Variants in SIPA1L1 observed in about 807,000 individuals in gnomAD.
SIPA1L1 encodes the protein signal-induced proliferation-associated 1-like protein 1.
Under a neutral mutation model 162.7 loss-of-function variants are expected in SIPA1L1, and 26 were observed. The ratio of observed to expected loss-of-function variants is 0.16; its 90% CI spans 0.12 to 0.22. The LOEUF (loss-of-function observed/expected upper bound fraction) is 0.22. Among genes scored for constraint, SIPA1L1 ranks in the 10% least tolerant of loss-of-function variants. The pLI is 1.00. For missense variants in SIPA1L1, 1,874 were observed against 2,241.0 expected (o/e 0.84, Z 3.31); for synonymous variants, 829 against 837.4 (o/e 0.99, Z 0.17).
chr14:71,604,829 C>T (rs762549875), intron 5 of SIPA1L1, among the ~76,000 whole-genome samples: 3 of 152,032 alleles, frequency 2.0e-5, no homozygotes, highest in Non-Finnish European at 2.9e-5. Flanking sequence ...TTGTCTTTGG[C>T]TTTTGATGGT....
chr14:71,542,429 GCTGCTGCTGCTTCTGCTTCTTCTTC>G (rs2054507606), intron 4 of SIPA1L1, among the ~76,000 whole-genome samples: 1 of 147,910 alleles, frequency 6.8e-6, no homozygotes, highest in African/African-American at 2.5e-5. Flanking sequence ...TCTTCCTGCT[GCTGCTGCTGCTTCTGCTTCTTCTTC>G]CTGCTGCTGC....
intron 3 of SIPA1L1, among the ~76,000 whole-genome samples, chr14:71,519,047 C>A (rs371848066): frequency 6.6e-6 from 1 of 152,144 alleles, no homozygotes; most frequent in Non-Finnish European, 1.5e-5. Context: ...CGGGGTCCCT[C>A]CCACAACACG....
At chr14:71,570,013 T>G (rs2031647575) in intron 4 of SIPA1L1, among the ~76,000 whole-genome samples, 1 of 152,208 alleles carries the variant, frequency 6.6e-6, no homozygotes, top group Non-Finnish European at 1.5e-5. Context: ...TTTTAGCTTC[T>G]ACTATGGAAG....
At chr14:71,672,771 T>G (rs1488359766) in intron 12 of SIPA1L1, 149 bp downstream of exon 12, 2 of 895,842 alleles carry the variant, frequency 2.2e-6, no homozygotes, top group East Asian at 5.3e-5. Context: ...GGAGTCTGAC[T>G]CAGGACGAAG....
chr14:71,324,343 G>A (rs2033529386), intron 2 of SIPA1L1, among the ~76,000 whole-genome samples: 1 of 152,146 alleles, frequency 6.6e-6, no homozygotes, highest in Non-Finnish European at 1.5e-5. Flanking sequence ...TAATGACTAG[G>A]CAGTGATTGG....
intron 4 of SIPA1L1, among the ~76,000 whole-genome samples, chr14:71,552,395 C>CTTTTT (rs1018604407): frequency 1.4e-5 from 2 of 142,104 alleles, no homozygotes; most frequent in African/African-American, 2.6e-5. Context: ...TACCCTATTT[C>CTTTTT]TTTTTTTTTT....
chr14:71,474,458 T>C (rs2047697331), intron 2 of SIPA1L1, among the ~76,000 whole-genome samples: 2 of 152,238 alleles, frequency 1.3e-5, no homozygotes. Context: ...TAATTCATTC[T>C]ATTCTGCAGC....
At chr14:71,674,043 A>G (rs561050237) in intron 12 of SIPA1L1, among the ~76,000 whole-genome samples, 3 of 152,318 alleles carry the variant, frequency 2.0e-5, no homozygotes, top group East Asian at 3.9e-4. Context: ...CTCTCCTTCA[A>G]ATTGTCTACT....
intron 2 of SIPA1L1, among the ~76,000 whole-genome samples, chr14:71,509,905 G>A (rs915437845): frequency 6.6e-6 from 1 of 152,066 alleles, no homozygotes; most frequent in Non-Finnish European, 1.5e-5. Context: ...AGGTTGACTG[G>A]GCTCTTCTGG....
chr14:71,451,516 T>C (rs1010876764), intron 2 of SIPA1L1, among the ~76,000 whole-genome samples: 1 of 150,998 alleles, frequency 6.6e-6, no homozygotes, highest in African/African-American at 2.4e-5. Flanking sequence ...ATGCCTGTAG[T>C]CCCAGCTACT....
In SIPA1L1 at chr14:71,736,290, G is replaced by A. The variant is rs375005861; in HGVS notation, c.5123+899G>A. Among the ~76,000 whole-genome samples the A allele has an allele frequency of 2.8e-4, 43 of 152,290 alleles. No individual in the cohort carries two copies. The South Asian group carries it at 8.7e-3, about 31-fold the overall frequency. On this transcript the variant is annotated intron_variant, in intron 22 of 23. Transcript: ENST00000381232. ...TGCACACCTGTAGTCCTAGCTACTC[G>A]GGAAGCCAATGCATGAGAATCACTT...
chr14:71,652,708 T>C (rs1481171461), intron 8 of SIPA1L1, among the ~76,000 whole-genome samples: 1 of 152,046 alleles, frequency 6.6e-6, no homozygotes, highest in South Asian at 2.1e-4. Context: ...TAAAGCTCCT[T>C]GTGTTTTTCT....
At chr14:71,477,105 A>G (rs1317453412) in intron 2 of SIPA1L1, among the ~76,000 whole-genome samples, 1 of 152,064 alleles carries the variant, frequency 6.6e-6, no homozygotes, top group Non-Finnish European at 1.5e-5. Context: ...TACAAAAATT[A>G]TCCAGGTGTG....
chr14:71,358,845 C>G (rs1211172040), intron 2 of SIPA1L1, among the ~76,000 whole-genome samples: 1 of 152,086 alleles, frequency 6.6e-6, no homozygotes, highest in Non-Finnish European at 1.5e-5. Context: ...TGGGAAGGTG[C>G]TATACACTTT....
At chr14:71,513,919 C>T (rs2051431792) in intron 3 of SIPA1L1, among the ~76,000 whole-genome samples, 1 of 152,132 alleles carries the variant, frequency 6.6e-6, no homozygotes, top group South Asian at 2.1e-4. Context: ...TGACGCAGAA[C>T]TTCTTCCTTG....
At chr14:71,736,793 C>T (rs1010323699) in intron 22 of SIPA1L1, among the ~76,000 whole-genome samples, 3 of 152,202 alleles carry the variant, frequency 2.0e-5, no homozygotes, top group African/African-American at 7.2e-5. Flanking sequence ...ATTAAAAAAT[C>T]AGCAGATGAG....
chr14:71,335,969 A>G (rs763885716), intron 2 of SIPA1L1, among the ~76,000 whole-genome samples: 3 of 152,228 alleles, frequency 2.0e-5, no homozygotes, highest in Non-Finnish European at 4.4e-5. Flanking sequence ...AATTGTAACA[A>G]CTAATTTAAA....
At chr14:71,340,684 TC>T (rs2140411045) in intron 2 of SIPA1L1, among the ~76,000 whole-genome samples, 1 of 152,300 alleles carries the variant, frequency 6.6e-6, no homozygotes, top group South Asian at 2.1e-4. Flanking sequence ...CCTCATTTCT[TC>T]CTATTGTAGG....
chr14:71,484,121 T>C (rs904307613), intron 2 of SIPA1L1, among the ~76,000 whole-genome samples: 5 of 152,202 alleles, frequency 3.3e-5, no homozygotes, highest in African/African-American at 1.2e-4. Context: ...TATGTCTTAA[T>C]GCAGCCTTGA....
Sources: allele counts gnomAD v4.1 joint callset (sites outside exome capture counted in the v4.1 genomes callset), GRCh38; gene constraint gnomAD v4.1.1; transcripts MANE v1.5; gene names NCBI Gene and HGNC (gene_info 2026-07-23, HGNC 2026-07-21).